ATP2A1: variants seen among roughly 807,000 people sequenced by gnomAD.
ATP2A1 encodes the protein ATPase sarcoplasmic/endoplasmic reticulum Ca2+ transporting 1.
In ATP2A1, 83 loss-of-function variants were observed where a neutral mutation model predicts 109.5. The observed-to-expected ratio is 0.76, with a 90% CI of 0.63 to 0.91. The LOEUF (loss-of-function observed/expected upper bound fraction) is 0.91, where lower values mean the gene tolerates loss of function less well. Ranked by LOEUF, ATP2A1 falls within the 40% of genes least tolerant of loss-of-function variation. The probability of loss-of-function intolerance (pLI) is 0.00; values close to 1 mark genes in which losing one functional copy is unlikely to be tolerated. For missense variants in ATP2A1, 1,101 were observed against 1,341.0 expected, an observed-to-expected ratio of 0.82 and a Z score of 2.80; for synonymous variants, 505 against 537.6, an observed-to-expected ratio of 0.94 and a Z score of 0.84.
chr16:28,891,229 G>A (rs1016543585), intron 9 of ATP2A1, among the ~76,000 whole-genome samples: 1 of 151,850 alleles, frequency 6.6e-6, no homozygotes, highest in Non-Finnish European at 1.5e-5. Flanking sequence ...CCAGGAGGTG[G>A]AGGTTGCAGT....
chr16:28,882,098 G>A (rs1295931678), intron 4 of ATP2A1, among the ~76,000 whole-genome samples: 2 of 136,004 alleles, frequency 1.5e-5, no homozygotes, highest in Admixed American at 7.7e-5. Flanking sequence ...TACTACGCCC[G>A]GCTTTTTTTT....
Position 28,898,399 on chromosome 16 carries a change from C to A in ATP2A1, c.1712C>A (p.Pro571Gln), listed in dbSNP as rs567407505. The part of the protein sequence containing the change: ...CLALATRDTP[P>Q]KREEMVLDDS... Reference sequence around the variant, plus strand: ...GCCCTGGCCACCCGGGACACCCCCCCGAAGCGAGAGGAAATGGTCCTGGAT... The same window carrying A: ...GCCCTGGCCACCCGGGACACCCCCCAGAAGCGAGAGGAAATGGTCCTGGAT... Residue 571 changes from proline (P) to glutamine (Q), a missense_variant, in exon 14 of 23, where the codon CCG becomes CAG. Transcript: ENST00000395503. The surrounding 1 kb of genome is among the most constrained non-coding windows in gnomAD (Gnocchi z 4.0). 1 of 1,614,196 alleles carries A rather than the reference C, an allele frequency of 6.2e-7. No individual in the cohort carries two copies. Among genetic ancestry groups the A allele is most frequent in the Admixed American group, 1.7e-5 (1 of 60,016 alleles).
chr16:28,891,330 C>T (rs1963767485), intron 9 of ATP2A1, among the ~76,000 whole-genome samples: 1 of 151,832 alleles, frequency 6.6e-6, no homozygotes, highest in South Asian at 2.1e-4. Context: ...CGCAGTGGCT[C>T]ACGACTGTAA....
Position 28,890,514 on chromosome 16 carries a change from G to A in ATP2A1, c.1095+1561G>A, listed in dbSNP as rs2152206468. ...AAAAAATAAAATAAAATAGGGCTAG[G>A]TACGGTGGCTCACGCCTGTAATCCT... On this transcript the variant is annotated intron_variant, in intron 9 of 22. Transcript: ENST00000395503. 1.3e-5 allele frequency among the ~76,000 whole-genome samples: 2 copies of A among 151,992 alleles called. 1 individual carries two copies. The highest frequency in any genetic ancestry group is 4.2e-4 in the South Asian group (2 of 4,818).
At position 28,882,548 on chromosome 16, in the gene ATP2A1, A is replaced by G. The variant is rs1057524640; in HGVS notation, c.422A>G (p.Lys141Arg). Reference sequence around the variant, plus strand: ...GACCGCAAGTCAGTGCAAAGGATCAAGGCTCGGGACATCGTCCCTGGGGAC... The same window carrying G: ...GACCGCAAGTCAGTGCAAAGGATCAGGGCTCGGGACATCGTCCCTGGGGAC... ...RADRKSVQRI[K>R]ARDIVPGDIV... is the part of the protein sequence containing the mutation. Residue 141 changes from lysine to arginine, a missense_variant, in exon 5 of 23, where the codon AAG becomes AGG. Physicochemically the swap from Lys to Arg is conservative, Grantham distance 26. Coordinates refer to ENST00000395503, the MANE Select transcript of ATP2A1 (RefSeq NM_004320.6). The G allele has an allele frequency of 3.7e-6, 6 of 1,614,234 alleles. No individual in the cohort carries two copies. Among genetic ancestry groups the G allele is most frequent in the Non-Finnish European group, 5.1e-6 (6 of 1,180,020 alleles).
chr16:28,894,714 G>C (rs1484297455), intron 11 of ATP2A1, 107 bp downstream of exon 11: 4 of 1,597,294 alleles, frequency 2.5e-6, no homozygotes, highest in African/African-American at 2.7e-5. Flanking sequence ...CCTCTGCCAG[G>C]GTGCAAGGGA....
chr16:28,885,342 T>C (rs1963588045), intron 6 of ATP2A1, among the ~76,000 whole-genome samples: 1 of 151,858 alleles, frequency 6.6e-6, no homozygotes, highest in South Asian at 2.1e-4. Context: ...GCAGCACTGC[T>C]TGACATTTTC....
chr16:28,895,005 G>C, intron 12 of ATP2A1, 52 bp downstream of exon 12: 1 of 1,604,054 alleles, frequency 6.2e-7, no homozygotes, highest in Non-Finnish European at 8.5e-7. Flanking sequence ...ATGCTGCATA[G>C]ACTAGAGGAA....
intron 11 of ATP2A1, 59 bp downstream of exon 11, chr16:28,894,666 A>G: frequency 6.2e-7 from 1 of 1,603,992 alleles, no homozygotes; most frequent in Non-Finnish European, 8.5e-7. Context: ...GAAGGCCAGG[A>G]GGAAAGGGTT....
At chr16:28,893,655 G>GTTTTTTTTTT (rs11304796) in intron 9 of ATP2A1, among the ~76,000 whole-genome samples, 5 of 111,990 alleles carry the variant, frequency 4.5e-5, no homozygotes, top group Non-Finnish European at 3.6e-5. Flanking sequence ...GTTTTTTTTT[G>GTTTTTTTTTT]TTTTTTTTTT....
At chr16:28,892,044 A>G (rs1159200402) in intron 9 of ATP2A1, among the ~76,000 whole-genome samples, 1 of 152,200 alleles carries the variant, frequency 6.6e-6, no homozygotes, top group African/African-American at 2.4e-5. Flanking sequence ...TTAAGGCATT[A>G]ATTAGGGAGT....
In ATP2A1 at chr16:28,894,952, C is replaced by T. The variant is rs41292392; in HGVS notation, c.1418C>T (p.Ser473Leu). The T allele has an allele frequency of 8.9e-5, 143 of 1,611,138 alleles. No individual in the cohort carries two copies. The highest frequency in any genetic ancestry group is 1.2e-4 in the Non-Finnish European group (139 of 1,179,980). The change falls in exon 12 of 23, where the codon TCG becomes TTG. Residue 473 changes from serine (S) to leucine (L), a missense_variant and splice_region_variant. Ser to Leu is a moderately radical substitution (Grantham distance 145, BLOSUM62 -2). Transcript: ENST00000395503. ...GTGGAGAGAGCCAACGCCTGCAACT[C>T]GGTGAGCCTGCGGAGCCCCTGCCAC... ...SKVERANACN[S>L]VIRQLMKKEF...
chr16:28,904,111 G>C, intron 22 of ATP2A1, 69 bp from the exon 23 acceptor site: 2 of 1,403,194 alleles, frequency 1.4e-6, no homozygotes, highest in East Asian at 2.3e-5. Flanking sequence ...GCGTGCCTGG[G>C]AGATGCACCT....
chr16:28,894,792 G>T, intron 11 of ATP2A1, 30 bp from the exon 12 acceptor site: 2 of 1,609,916 alleles, frequency 1.2e-6, no homozygotes, highest in South Asian at 2.2e-5. Context: ...CTGGGGCACC[G>T]ACTTCCTCTT....
chr16:28,887,141 G>A (rs1324894364), intron 6 of ATP2A1, 48 bp from the exon 7 acceptor site: 3 of 1,587,010 alleles, frequency 1.9e-6, no homozygotes, highest in South Asian at 1.1e-5. Context: ...GGAAGCCTGG[G>A]AGAAGGACAT....
At chr16:28,886,361 G>A (rs1963612866) in intron 6 of ATP2A1, among the ~76,000 whole-genome samples, 1 of 152,072 alleles carries the variant, frequency 6.6e-6, no homozygotes, top group South Asian at 2.1e-4. Flanking sequence ...AGCTGCTTCT[G>A]TTTCCGCACT....
At chr16:28,889,454 C>T (rs952957996) in intron 9 of ATP2A1, among the ~76,000 whole-genome samples, 8 of 152,002 alleles carry the variant, frequency 5.3e-5, no homozygotes, top group Non-Finnish European at 7.4e-5. Context: ...AGACAGGGTT[C>T]GCCATGTTGG....
At chr16:28,887,782 C>G (rs1194372359) in intron 8 of ATP2A1, 60 bp downstream of exon 8, 2 of 1,562,548 alleles carry the variant, frequency 1.3e-6, no homozygotes, top group Middle Eastern at 3.4e-4. Context: ...GACCCCTTTT[C>G]TTTTCTTTTC....
intron 10 of ATP2A1, 59 bp downstream of exon 10, chr16:28,894,302 T>C: frequency 6.6e-7 from 1 of 1,520,608 alleles, no homozygotes; most frequent in Non-Finnish European, 9.1e-7. Flanking sequence ...ACCCCCTTTC[T>C]CCCTGGGGCC....
Sources: gnomAD v4.1 joint callset for allele counts (sites outside exome capture counted in the v4.1 genomes callset) on GRCh38, gnomAD v4.1.1 for gene constraint, Gnocchi (gnomAD v3.1) non-coding constraint, MANE v1.5 for transcripts, NCBI Gene and HGNC (gene_info 2026-07-23, HGNC 2026-07-21) for gene names.